The following GALNTL6 variants were observed in gnomAD, a reference collection of about 807,000 sequenced individuals.
The protein encoded by GALNTL6 is polypeptide N-acetylgalactosaminyltransferase like 6, also known as polypeptide N-acetylgalactosaminyltransferase-like 6.
GALNTL6 carries 46 observed loss-of-function variants against 73.7 expected under a neutral mutation model. The ratio of observed to expected loss-of-function variants is 0.62; its 90% CI spans 0.49 to 0.80. The LOEUF (loss-of-function observed/expected upper bound fraction) is 0.80. GALNTL6 is among the 30% of genes least tolerant of loss of function. The pLI is 0.00. For missense variants in GALNTL6, 604 were observed against 755.0 expected (o/e 0.80, Z 2.34); for synonymous variants, 259 against 263.7 (o/e 0.98, Z 0.17).
chr4:172,197,622 A>G (rs1453057702), intron 2 of GALNTL6, among the ~76,000 whole-genome samples: 4 of 151,664 alleles, frequency 2.6e-5, no homozygotes, highest in African/African-American at 4.9e-5. Flanking sequence ...TAGAGCAGTC[A>G]GAAATAAGAT....
chr4:172,971,453 T>C (rs2653835), intron 10 of GALNTL6, among the ~76,000 whole-genome samples: 2,602 of 152,196 alleles, frequency 0.017, 81 homozygotes, highest in African/African-American at 0.06. Context: ...CTGGTAGAAA[T>C]TGGCTACAGG....
chr4:172,544,808 G>A (rs1252670363), intron 5 of GALNTL6, among the ~76,000 whole-genome samples: 1 of 152,158 alleles, frequency 6.6e-6, no homozygotes, highest in Non-Finnish European at 1.5e-5. Flanking sequence ...TTGTATGTGT[G>A]AAGAAATAAA....
At chr4:171,874,174 A>G (rs756144704) in intron 2 of GALNTL6, among the ~76,000 whole-genome samples, 6 of 152,200 alleles carry the variant, frequency 3.9e-5, no homozygotes, top group Non-Finnish European at 7.4e-5. Flanking sequence ...CCAAAAACAA[A>G]TCAAGGACTG....
At chr4:172,399,769 C>G (rs1277956280) in intron 5 of GALNTL6, among the ~76,000 whole-genome samples, 1 of 151,998 alleles carries the variant, frequency 6.6e-6, no homozygotes, top group African/African-American at 2.4e-5. Flanking sequence ...TTCTCATTCA[C>G]CAGCAAAATA....
chr4:172,797,372 G>A (rs1740332018), intron 5 of GALNTL6, among the ~76,000 whole-genome samples: 1 of 151,760 alleles, frequency 6.6e-6, no homozygotes, highest in Non-Finnish European at 1.5e-5. Flanking sequence ...TCAGCCTCCC[G>A]AGTAGCTGGG....
At position 172,883,978 on chromosome 4, in the gene GALNTL6, T is replaced by C. The variant is rs190416143; in HGVS notation, c.1041+1071T>C. Among the ~76,000 whole-genome samples the C allele has an allele frequency of 4.2e-4, 64 of 152,336 alleles. No individual in the cohort carries two copies. In the East Asian group the frequency reaches 0.012, roughly 28 times the overall value. On this transcript the variant is annotated intron_variant, in intron 8 of 12. Coordinates refer to ENST00000506823, the MANE Select transcript of GALNTL6 (RefSeq NM_001034845.3). ...AATGATAGTATTTCATTCCTTTTTA[T>C]GACTGCATAATATTCCATTGTGTAT...
chr4:171,839,176 T>C (rs1348582580), intron 2 of GALNTL6, among the ~76,000 whole-genome samples: 1 of 152,140 alleles, frequency 6.6e-6, no homozygotes, highest in Non-Finnish European at 1.5e-5. Flanking sequence ...TTCATGCCAT[T>C]ATTATCACAG....
intron 2 of GALNTL6, among the ~76,000 whole-genome samples, chr4:171,928,110 G>GT (rs1283408098): frequency 6.6e-6 from 1 of 152,076 alleles, no homozygotes; most frequent in Non-Finnish European, 1.5e-5. Flanking sequence ...TTTTAACTAT[G>GT]TTTTTTCAAA....
chr4:172,051,065 A>C (rs901379200), intron 2 of GALNTL6, among the ~76,000 whole-genome samples: 2 of 152,154 alleles, frequency 1.3e-5, no homozygotes, highest in Non-Finnish European at 2.9e-5. Flanking sequence ...ACTGTCATCA[A>C]CCTTGGCAAA....
intron 2 of GALNTL6, among the ~76,000 whole-genome samples, chr4:172,196,261 C>T (rs973350549): frequency 8.6e-5 from 13 of 151,950 alleles, no homozygotes; most frequent in Admixed American, 3.3e-4. Context: ...AAGGTGAATC[C>T]GTGAATAGAC....
intron 8 of GALNTL6, among the ~76,000 whole-genome samples, chr4:172,883,863 TC>T (rs1013311530): frequency 1.3e-5 from 2 of 151,754 alleles, no homozygotes; most frequent in Non-Finnish European, 2.9e-5. Context: ...CTTGTTTAGC[TC>T]CCCATATGAG....
intron 5 of GALNTL6, among the ~76,000 whole-genome samples, chr4:172,805,813 G>A (rs1740922489): frequency 6.6e-6 from 1 of 152,056 alleles, no homozygotes; most frequent in African/African-American, 2.4e-5. Flanking sequence ...TCTTTTGTCT[G>A]ACATTTGCTT....
At chr4:172,083,760 G>A (rs1299416876) in intron 2 of GALNTL6, among the ~76,000 whole-genome samples, 6 of 151,794 alleles carry the variant, frequency 4.0e-5, no homozygotes, top group South Asian at 4.2e-4. Context: ...GTTTTTTTAC[G>A]TGTCTCTCTC....
chr4:171,987,752 G>T (rs1057110609), intron 2 of GALNTL6, among the ~76,000 whole-genome samples: 7 of 152,180 alleles, frequency 4.6e-5, no homozygotes, highest in African/African-American at 1.7e-4. Flanking sequence ...TTGCTGGTGT[G>T]TGGCGATTAG....
intron 5 of GALNTL6, among the ~76,000 whole-genome samples, chr4:172,488,889 A>G (rs917040148): frequency 6.6e-6 from 1 of 151,814 alleles, no homozygotes; most frequent in Admixed American, 6.6e-5. Flanking sequence ...AAGAGGCAGC[A>G]CTCTGTTCAC....
chr4:172,724,193 A>G (rs145861701), intron 5 of GALNTL6, among the ~76,000 whole-genome samples: 153 of 152,276 alleles, frequency 1.0e-3, no homozygotes, highest in African/African-American at 3.1e-3. Flanking sequence ...ATCACTTTTG[A>G]TGCTATTTAG....
intron 3 of GALNTL6, among the ~76,000 whole-genome samples, chr4:172,279,574 T>TGGTGAA (rs1738969110): frequency 6.6e-6 from 1 of 152,102 alleles, no homozygotes; most frequent in African/African-American, 2.4e-5. Flanking sequence ...TAACAGGTGT[T>TGGTGAA]GGTGAAGATG....
intron 2 of GALNTL6, among the ~76,000 whole-genome samples, chr4:171,839,125 G>A (rs1300863421): frequency 1.3e-5 from 2 of 152,048 alleles, no homozygotes; most frequent in African/African-American, 4.8e-5. Context: ...TGCAGATATA[G>A]GGATGTGAGG....
chr4:172,958,164 A>G (rs1197395480), intron 10 of GALNTL6, among the ~76,000 whole-genome samples: 2 of 152,192 alleles, frequency 1.3e-5, no homozygotes, highest in African/African-American at 4.8e-5. Flanking sequence ...TTTGGAAGTT[A>G]TGAGAACTGT....
Sources: allele counts gnomAD v4.1 joint callset (sites outside exome capture counted in the v4.1 genomes callset), GRCh38; gene constraint gnomAD v4.1.1; transcripts MANE v1.5; gene names NCBI Gene and HGNC (gene_info 2026-07-23, HGNC 2026-07-21).